CLEC16A: variants seen among roughly 807,000 people sequenced by gnomAD.
CLEC16A encodes the protein C-type lectin domain containing 16A.
CLEC16A carries 51 observed loss-of-function variants against 109.5 expected under a neutral mutation model. The ratio of observed to expected loss-of-function variants is 0.47; its 90% CI spans 0.37 to 0.59. CLEC16A has a LOEUF of 0.59. Ranked by LOEUF, CLEC16A falls within the 20% of genes least tolerant of loss-of-function variation. The pLI is 0.00. For synonymous variants in CLEC16A, 673 were observed against 564.2 expected, an observed-to-expected ratio of 1.19 and a Z score of -2.73; for missense variants, 1,339 against 1,394.0, an observed-to-expected ratio of 0.96 and a Z score of 0.63.
intron 9 of CLEC16A, among the ~76,000 whole-genome samples, chr16:10,982,389 C>T (rs764193009): frequency 1.3e-5 from 2 of 152,204 alleles, no homozygotes; most frequent in Non-Finnish European, 2.9e-5. Flanking sequence ...GTCAGAGCTC[C>T]CTCCCGTGAT....
intron 19 of CLEC16A, among the ~76,000 whole-genome samples, chr16:11,119,402 G>A (rs1260107954): frequency 1.3e-5 from 2 of 151,706 alleles, no homozygotes; most frequent in Admixed American, 6.6e-5. Context: ...CTCTTTTTTT[G>A]TTTGTTTTGA....
intron 6 of CLEC16A, 103 bp downstream of exon 6, chr16:10,972,662 C>CAGTA: frequency 9.0e-7 from 1 of 1,111,002 alleles, no homozygotes; most frequent in Non-Finnish European, 1.4e-6. Flanking sequence ...GCTCAGTCTG[C>CAGTA]TACTGATAAG....
At chr16:11,004,959 T>C (rs1412424488) in intron 11 of CLEC16A, among the ~76,000 whole-genome samples, 2 of 152,206 alleles carry the variant, frequency 1.3e-5, no homozygotes, top group Non-Finnish European at 2.9e-5. Flanking sequence ...ATTCTGATTA[T>C]TTTGTTGTTA....
At chr16:11,030,464 A>G (rs2046675857) in intron 13 of CLEC16A, among the ~76,000 whole-genome samples, 1 of 152,202 alleles carries the variant, frequency 6.6e-6, no homozygotes, top group Admixed American at 6.5e-5. Context: ...TCACCATTCT[A>G]ATAGGTTTGC....
intron 22 of CLEC16A, among the ~76,000 whole-genome samples, chr16:11,152,745 C>T (rs986045149): frequency 1.3e-5 from 2 of 152,196 alleles, no homozygotes; most frequent in Non-Finnish European, 1.5e-5. Flanking sequence ...GTCCTAATGA[C>T]GTTCCCACAA....
intron 8 of CLEC16A, among the ~76,000 whole-genome samples, chr16:10,978,066 T>C (rs550271506): frequency 7.2e-5 from 11 of 152,298 alleles, no homozygotes; most frequent in African/African-American, 2.4e-4. Context: ...TTGGAGAAGA[T>C]ACAGACAGCG....
intron 22 of CLEC16A, among the ~76,000 whole-genome samples, chr16:11,165,375 C>G (rs1308989722): frequency 6.6e-6 from 1 of 151,988 alleles, no homozygotes; most frequent in Admixed American, 6.5e-5. Flanking sequence ...CCCTGTAGTC[C>G]CAGCTGCTCA....
chr16:11,026,533 TCTTCATTTTTTTTC>T (rs2046410873), intron 13 of CLEC16A, among the ~76,000 whole-genome samples: 1 of 152,076 alleles, frequency 6.6e-6, no homozygotes, highest in Admixed American at 6.6e-5. Context: ...ATAATTTAGG[TCTTCATTTTTTTTC>T]CTAATCATTT....
intron 12 of CLEC16A, chr16:11,024,529 G>A (rs910458141): frequency 1.6e-5 from 5 of 321,138 alleles, no homozygotes; most frequent in Admixed American, 1.3e-4. Context: ...GAGCTTTGGT[G>A]TGGGGAGTTT....
At chr16:11,147,987 ACT>A (rs932739029) in intron 22 of CLEC16A, among the ~76,000 whole-genome samples, 2 of 152,086 alleles carry the variant, frequency 1.3e-5, no homozygotes, top group African/African-American at 4.8e-5. Flanking sequence ...TGAGAAAAAA[ACT>A]CTGTTCTTAC....
At chr16:11,006,858 C>T (rs2045051813) in intron 11 of CLEC16A, among the ~76,000 whole-genome samples, 1 of 150,214 alleles carries the variant, frequency 6.7e-6, no homozygotes, top group Non-Finnish European at 1.5e-5. Flanking sequence ...TTTGCTCTGC[C>T]TCAGGTCCCA....
intron 14 of CLEC16A, 121 bp downstream of exon 14, chr16:11,039,997 C>T (rs568399438): frequency 1.6e-6 from 2 of 1,243,932 alleles, no homozygotes; most frequent in Admixed American, 5.8e-5. Context: ...CCATCCCAAC[C>T]TCTCCCTCTG....
At chr16:11,177,428 T>C (rs1352109926) in intron 23 of CLEC16A, among the ~76,000 whole-genome samples, 7 of 151,870 alleles carry the variant, frequency 4.6e-5, no homozygotes, top group Non-Finnish European at 7.4e-5. Flanking sequence ...TGGTGAAACC[T>C]CATCTCTACA....
intron 11 of CLEC16A, 50 bp downstream of exon 11, chr16:11,003,355 G>C (rs374933628): frequency 6.7e-7 from 1 of 1,492,790 alleles, no homozygotes; most frequent in South Asian, 1.2e-5. Context: ...CAGCCAGCCC[G>C]CCAGCGAGGC....
chr16:11,047,293 G>A lies in CLEC16A; in HGVS notation c.1817G>A (p.Gly606Glu). 6.2e-7 allele frequency: 1 copy of A among 1,609,026 alleles called. No individual in the cohort carries two copies. The highest frequency in any genetic ancestry group is 8.5e-7 in the Non-Finnish European group (1 of 1,177,512). ...TTCCCTCCCTTCCTTTCTTTTTAGG[G>A]AGAAGACATTTTTTTGGACATGTTT... is the stretch of plus-strand genomic sequence containing the variant. ...SVHLVRHFYK[G>E]EDIFLDMFED... is the part of the protein sequence containing the mutation. The change falls in exon 17 of 24, where the codon GGA (glycine) becomes GAA (glutamate). Residue 606 changes from glycine (G) to glutamate (E), a missense_variant and splice_region_variant. Around this residue, in one of 3 missense-constraint regions of CLEC16A, gnomAD observed 1,061 missense variants for 1,006.8 expected, o/e 1.05. Coordinates refer to ENST00000409790, the MANE Select transcript of CLEC16A (RefSeq NM_015226.3).
chr16:11,086,862 C>A (rs915095259), intron 19 of CLEC16A, among the ~76,000 whole-genome samples: 2 of 152,186 alleles, frequency 1.3e-5, no homozygotes, highest in South Asian at 2.1e-4. Context: ...TACCCCATCT[C>A]CTTCAATTCA....
chr16:11,109,818 C>T (rs56854963), intron 19 of CLEC16A, among the ~76,000 whole-genome samples: 13,899 of 152,214 alleles, frequency 0.091, 666 homozygotes, highest in East Asian at 0.12. Flanking sequence ...ATTAACCACA[C>T]GTGCTTGAAA....
At position 11,027,616 on chromosome 16, in the gene CLEC16A, A is replaced by G. The variant is rs965695348; in HGVS notation, c.1537+2695A>G. On this transcript the variant is annotated intron_variant, in intron 13 of 23. Coordinates refer to ENST00000409790, the MANE Select transcript of CLEC16A (RefSeq NM_015226.3). ...CATGAAATTGCATTCCCAGGGAAGC[A>G]TTTCCAGGAGATCTCATGGTTCTTG... 1.9e-5 allele frequency: 30 copies of G among 1,560,656 alleles called. No individual in the cohort carries two copies. In the African/African-American group the frequency reaches 2.0e-4, roughly 11 times the overall value.
intron 22 of CLEC16A, chr16:11,126,494 T>C: frequency 1.0e-6 from 1 of 1,004,958 alleles, no homozygotes; most frequent in Non-Finnish European, 1.4e-6. Flanking sequence ...GTAAGATGAC[T>C]AGAAAGAGAG....
Sources: allele counts gnomAD v4.1 joint callset (sites outside exome capture counted in the v4.1 genomes callset), GRCh38; gene constraint gnomAD v4.1.1; regional missense constraint gnomAD v4.1.1; transcripts MANE v1.5; gene names NCBI Gene and HGNC (gene_info 2026-07-23, HGNC 2026-07-21).